The following HIBADH variants were observed in gnomAD, a reference collection of about 807,000 sequenced individuals.
HIBADH encodes 3-hydroxyisobutyrate dehydrogenase.
HIBADH carries 25 observed loss-of-function variants against 36.1 expected under a neutral mutation model. That is an observed-to-expected ratio of 0.69 (90% CI 0.50 to 0.97). The LOEUF (loss-of-function observed/expected upper bound fraction) is 0.97, where lower values mean the gene tolerates loss of function less well. Ranked by LOEUF, HIBADH falls within the 50% of genes least tolerant of loss-of-function variation. The pLI is 0.00. For synonymous variants in HIBADH, 160 were observed against 149.5 expected (o/e 1.07, Z -0.51); for missense variants, 421 against 418.0 (o/e 1.01, Z -0.06).
At chr7:27,540,283 GC>G (rs1019246064) in intron 5 of HIBADH, among the ~76,000 whole-genome samples, 21 of 152,140 alleles carry the variant, frequency 1.4e-4, no homozygotes, top group African/African-American at 4.6e-4. Context: ...TTGTTTCCTG[GC>G]ACTGCTTTTG....
At chr7:27,543,455 C>CA (rs1318962323) in intron 4 of HIBADH, among the ~76,000 whole-genome samples, 4 of 151,180 alleles carry the variant, frequency 2.6e-5, no homozygotes, top group African/African-American at 4.9e-5. Context: ...AGAAAGTATA[C>CA]AAAAAAAAAG....
intron 6 of HIBADH, among the ~76,000 whole-genome samples, chr7:27,533,761 A>G (rs1370695211): frequency 6.6e-6 from 1 of 152,182 alleles, no homozygotes; most frequent in Non-Finnish European, 1.5e-5. Flanking sequence ...AATTAATCCA[A>G]GACAGGTATC....
chr7:27,540,628 T>G (rs138368896), intron 5 of HIBADH, among the ~76,000 whole-genome samples: 1 of 152,212 alleles, frequency 6.6e-6, no homozygotes, highest in Non-Finnish European at 1.5e-5. Flanking sequence ...CAGATTTTCA[T>G]GTTCTATCAG....
At chr7:27,531,618 A>C (rs1388218309) in intron 6 of HIBADH, among the ~76,000 whole-genome samples, 1 of 152,170 alleles carries the variant, frequency 6.6e-6, no homozygotes, top group Non-Finnish European at 1.5e-5. Context: ...ATAATATACA[A>C]TTGCATAAAA....
intron 2 of HIBADH, among the ~76,000 whole-genome samples, chr7:27,634,787 T>TAAGGATGTTTCACAGCTCC (rs1785808473): frequency 6.6e-6 from 1 of 152,230 alleles, no homozygotes; most frequent in Non-Finnish European, 1.5e-5. Context: ...CTCACAGGTC[T>TAAGGATGTTTCACAGCTCC]AAGGATGTTT....
Position 27,645,368 on chromosome 7 carries a change from A to ATGTTTTTTTTTTTTTTTTT in HIBADH, c.252+4104_252+4105insAAAAAAAAAAAAAAAAACA. On this transcript the variant is annotated intron_variant, in intron 2 of 7. Coordinates refer to ENST00000265395, the MANE Select transcript of HIBADH (RefSeq NM_152740.4). The stretch of plus-strand genomic sequence containing the variant: ...CTAGTGGGTGTGTCTCATGGTTTTG[A>ATGTTTTTTTTTTTTTTTTT]TTTTTTTTTTTTTTTTTTTTTTTTT... 1.9e-3 allele frequency among the ~76,000 whole-genome samples: 116 copies of ATGTTTTTTTTTTTTTTTTT among 59,644 alleles called. 35 individuals carry two copies. Among genetic ancestry groups the ATGTTTTTTTTTTTTTTTTT allele is most frequent in the African/African-American group, 2.5e-3 (40 of 15,868 alleles). The allele number at this position is 59,644 out of a possible 152,430, so 39.1% of individuals were successfully genotyped here. A position where few individuals can be genotyped will look rare whatever the true frequency, so the allele number is the denominator to read the frequency against.
At chr7:27,538,214 T>A in intron 6 of HIBADH, 127 bp downstream of exon 6, 1 of 711,284 alleles carries the variant, frequency 1.4e-6, no homozygotes, top group South Asian at 1.8e-5. Flanking sequence ...AGTTCAATAA[T>A]GAAGTACTTT....
At chr7:27,643,106 T>C (rs1016072216) in intron 2 of HIBADH, among the ~76,000 whole-genome samples, 1 of 152,204 alleles carries the variant, frequency 6.6e-6, no homozygotes, top group East Asian at 1.9e-4. Context: ...ACACCACCTA[T>C]TGGTCCCTAA....
Position 27,595,014 on chromosome 7 carries a change from T to C in HIBADH, c.484+34357A>G, listed in dbSNP as rs149377134. Reference sequence around the variant, plus strand: ...AAAAGAAGATGTACATAAATTTCTTTTTAATTTTACAAACTTAGTGACAGT... The same window carrying C: ...AAAAGAAGATGTACATAAATTTCTTCTTAATTTTACAAACTTAGTGACAGT... On this transcript the variant is annotated intron_variant, in intron 4 of 7. Coordinates refer to ENST00000265395, the MANE Select transcript of HIBADH (RefSeq NM_152740.4). Among the ~76,000 whole-genome samples, 8 of 152,350 alleles carry C rather than the reference T, an allele frequency of 5.3e-5. 1 individual carries two copies. In the East Asian group the frequency reaches 1.4e-3, roughly 26 times the overall value.
intron 4 of HIBADH, among the ~76,000 whole-genome samples, chr7:27,569,924 G>A (rs1784604269): frequency 2.0e-5 from 3 of 152,226 alleles, no homozygotes; most frequent in South Asian, 4.2e-4. Context: ...GAGCTGGGAG[G>A]GAAGAAAAAC....
intron 4 of HIBADH, among the ~76,000 whole-genome samples, chr7:27,586,480 C>T (rs1327091549): frequency 2.6e-5 from 4 of 152,064 alleles, no homozygotes; most frequent in East Asian, 1.9e-4. Flanking sequence ...TCTGCTAAGA[C>T]GATTTTACTA....
intron 4 of HIBADH, among the ~76,000 whole-genome samples, chr7:27,628,459 A>G (rs948703333): frequency 8.5e-5 from 13 of 152,154 alleles, no homozygotes; most frequent in African/African-American, 2.9e-4. Context: ...ATGTGTACAC[A>G]GTAATTCTGA....
At position 27,629,442 on chromosome 7, in the gene HIBADH, G is replaced by A. The variant is rs766566036; in HGVS notation, c.413C>T (p.Ala138Val). The A allele has an allele frequency of 1.2e-6, 2 of 1,609,462 alleles. No homozygotes were observed. The highest frequency in any genetic ancestry group is 8.5e-7 in the Non-Finnish European group (1 of 1,176,792). The change falls in exon 4 of 8, where the codon GCA (alanine) becomes GTA (valine). Residue 138 changes from alanine to valine, a missense_variant. Ala to Val is a moderately conservative substitution (Grantham distance 64). Coordinates refer to ENST00000265395, the MANE Select transcript of HIBADH (RefSeq NM_152740.4). ...TTCTTTGGCCAATTCTTTTGAAACT[G>A]CAGGATCAATAGTGCTGGAATCTAT... ...LLIDSSTIDP[A>V]VSKELAKEVE...
intron 1 of HIBADH, among the ~76,000 whole-genome samples, chr7:27,650,460 T>TTTTATTTA (rs148153152): frequency 2.3e-3 from 317 of 140,202 alleles, no homozygotes; most frequent in Non-Finnish European, 2.8e-3. Context: ...CTTATTATAT[T>TTTTATTTA]TTTATTTATT....
intron 4 of HIBADH, among the ~76,000 whole-genome samples, chr7:27,566,252 A>G (rs117409278): frequency 0.011 from 1,608 of 152,228 alleles, 18 homozygotes; most frequent in Non-Finnish European, 0.017. Flanking sequence ...AAATAAGAAG[A>G]AATGTGGTAG....
At chr7:27,561,930 CAT>C (rs1403977103) in intron 4 of HIBADH, among the ~76,000 whole-genome samples, 1 of 151,844 alleles carries the variant, frequency 6.6e-6, no homozygotes, top group African/African-American at 2.4e-5. Flanking sequence ...TTAGTAAATC[CAT>C]ATTTCTTTTG....
chr7:27,592,757 C>T (rs1441402995), intron 4 of HIBADH, among the ~76,000 whole-genome samples: 1 of 152,214 alleles, frequency 6.6e-6, no homozygotes, highest in East Asian at 1.9e-4. Flanking sequence ...ATGTTTTCCA[C>T]ACTATAGCTA....
chr7:27,600,277 CT>C (rs11344706), intron 4 of HIBADH, among the ~76,000 whole-genome samples: 119,422 of 149,950 alleles, frequency 0.8, 47,773 homozygotes, highest in East Asian at 0.97. Context: ...AAGAATTGTT[CT>C]TTTTTTTTTT....
intron 6 of HIBADH, among the ~76,000 whole-genome samples, chr7:27,532,384 T>C (rs1423478637): frequency 6.6e-6 from 1 of 152,196 alleles, no homozygotes; most frequent in Non-Finnish European, 1.5e-5. Context: ...AAGAGACACT[T>C]ATGTAAATGT....
Sources: gnomAD v4.1 joint callset for allele counts (sites outside exome capture counted in the v4.1 genomes callset) on GRCh38, gnomAD v4.1.1 for gene constraint, MANE v1.5 for transcripts, NCBI Gene and HGNC (gene_info 2026-07-23, HGNC 2026-07-21) for gene names.